Variants in SLCO3A1 observed in about 807,000 individuals in gnomAD.
SLCO3A1 encodes PGE1 transporter.
In SLCO3A1, 27 loss-of-function variants were observed where a neutral mutation model predicts 63.1. The ratio of observed to expected loss-of-function variants is 0.43; its 90% CI spans 0.32 to 0.59. The LOEUF (loss-of-function observed/expected upper bound fraction) is 0.59. SLCO3A1 is among the 20% of genes least tolerant of loss of function. The pLI is 0.09. For synonymous variants in SLCO3A1, 473 were observed against 409.9 expected (o/e 1.15, Z -1.86); for missense variants, 773 against 945.8 (o/e 0.82, Z 2.40).
chr15:92,128,761 A>G (rs1596126463), intron 7 of SLCO3A1, among the ~76,000 whole-genome samples: 1 of 152,224 alleles, frequency 6.6e-6, no homozygotes, highest in East Asian at 1.9e-4. Flanking sequence ...TGGTGGTTCA[A>G]GGTACTTGCA....
intron 2 of SLCO3A1, among the ~76,000 whole-genome samples, chr15:92,093,671 G>C (rs1338643921): frequency 2.6e-5 from 4 of 152,150 alleles, no homozygotes; most frequent in Admixed American, 2.0e-4. Flanking sequence ...ATTTTTACTG[G>C]TTGGTTCAAT....
At chr15:92,121,106 G>A (rs77902196) in intron 5 of SLCO3A1, among the ~76,000 whole-genome samples, 2,531 of 152,280 alleles carry the variant, frequency 0.017, 63 homozygotes, top group African/African-American at 0.058. Context: ...CCCAAGGTCA[G>A]GCATGGCTTT....
Position 92,164,528 on chromosome 15 carries a change from G to A in SLCO3A1, c.*1393G>A, listed in dbSNP as rs916787650. 2 of 985,444 alleles carry A rather than the reference G, an allele frequency of 2.0e-6. No homozygotes were observed. Among genetic ancestry groups the A allele is most frequent in the African/African-American group, 3.5e-5 (2 of 57,364 alleles). 61.0% of individuals were successfully genotyped at this position (985,444 alleles called of 1,614,324 possible). A position where few individuals can be genotyped will look rare whatever the true frequency, so the allele number is the denominator to read the frequency against. On this transcript the variant is annotated 3_prime_UTR_variant, in exon 10 of 10. Transcript: ENST00000318445. The stretch of plus-strand genomic sequence containing the variant: ...GCCTGTGGAGGAGACACTCTTAGAT[G>A]TGGGTTTGTGTGTATGGGTGCAACA...
At chr15:91,943,317 G>A (rs535664531) in intron 2 of SLCO3A1, among the ~76,000 whole-genome samples, 1 of 152,198 alleles carries the variant, frequency 6.6e-6, no homozygotes, top group Non-Finnish European at 1.5e-5. Context: ...GTTACCTCCT[G>A]GAAGTGGAAC....
Position 92,120,647 on chromosome 15 carries a change from C to T in SLCO3A1, c.1174+18C>T. On this transcript the variant is annotated intron_variant, in intron 5 of 9. Transcript: ENST00000318445. ...GCTGCTTGGTGAGTGTGTCCTCAGG[C>T]CTCCTGAGAGGGTCGGGGGAGGGTG... The T allele has an allele frequency of 6.2e-7, 1 of 1,609,716 alleles. No individual in the cohort carries two copies. The highest frequency in any genetic ancestry group is 8.5e-7 in the Non-Finnish European group (1 of 1,176,808).
chr15:91,899,786 C>T (rs895859084), intron 1 of SLCO3A1, among the ~76,000 whole-genome samples: 1 of 152,184 alleles, frequency 6.6e-6, no homozygotes, highest in African/African-American at 2.4e-5. Context: ...CTCCATCTTC[C>T]AGACAACCTA....
rs543196721 is a variant in SLCO3A1 at position 91,999,731 on chromosome 15, C to T, written c.646+83273C>T. Among the ~76,000 whole-genome samples the T allele has an allele frequency of 2.0e-5, 3 of 152,270 alleles. No homozygotes were observed. In the South Asian group the frequency reaches 6.2e-4, roughly 32 times the overall value. On this transcript the variant is annotated intron_variant, in intron 2 of 9. Coordinates refer to ENST00000318445, the MANE Select transcript of SLCO3A1 (RefSeq NM_013272.4). ...TGCTTGAGCCCAGAGTTGAAGGCTGCAGTGAGCTATGATTACTCCACTGCA... is the reference window on the plus strand; with the variant it reads ...TGCTTGAGCCCAGAGTTGAAGGCTGTAGTGAGCTATGATTACTCCACTGCA...
At chr15:92,001,735 A>T (rs1416931300) in intron 2 of SLCO3A1, among the ~76,000 whole-genome samples, 2 of 152,026 alleles carry the variant, frequency 1.3e-5, no homozygotes, top group Admixed American at 6.6e-5. Context: ...CTCTATCCCA[A>T]CCAACCAGCT....
chr15:91,884,989 C>G (rs1897688366), intron 1 of SLCO3A1, among the ~76,000 whole-genome samples: 1 of 152,032 alleles, frequency 6.6e-6, no homozygotes, highest in Admixed American at 6.6e-5. Flanking sequence ...GGGTCTGATT[C>G]CCTTCCTCAG....
chr15:92,105,111 C>T (rs974344726), intron 4 of SLCO3A1, among the ~76,000 whole-genome samples: 2 of 151,962 alleles, frequency 1.3e-5, no homozygotes, highest in African/African-American at 2.4e-5. Flanking sequence ...TGCTAAAATA[C>T]AAAAATTAGC....
At chr15:91,895,974 AG>A (rs1567175219) in intron 1 of SLCO3A1, among the ~76,000 whole-genome samples, 1 of 152,212 alleles carries the variant, frequency 6.6e-6, no homozygotes, top group African/African-American at 2.4e-5. Context: ...CTTGTTTTCC[AG>A]TAGGAAGCTA....
chr15:92,166,196 G>A (rs111923726), downstream of SLCO3A1, among the ~76,000 whole-genome samples: 11 of 152,284 alleles, frequency 7.2e-5, 1 homozygote, highest in African/African-American at 2.2e-4. Context: ...CTGGCTCTGA[G>A]GCACCCTGGG....
chr15:91,967,783 G>A lies in SLCO3A1; in HGVS notation c.646+51325G>A, dbSNP rs529427812. On this transcript the variant is annotated intron_variant, in intron 2 of 9. Coordinates refer to ENST00000318445, the MANE Select transcript of SLCO3A1 (RefSeq NM_013272.4). This position sits in a 1 kb window ranked among gnomAD's most constrained non-coding sequence, Gnocchi z 4.4. ...AAACAGCCTACTTTTGGGGAACCAC[G>A]AGGACGTAGTGGCAGGACTAAAGGT... 1.2e-3 allele frequency among the ~76,000 whole-genome samples: 186 copies of A among 152,222 alleles called. No homozygotes were observed. Among genetic ancestry groups the A allele is most frequent in the Non-Finnish European group, 2.3e-3 (155 of 68,006 alleles).
intron 7 of SLCO3A1, among the ~76,000 whole-genome samples, chr15:92,143,459 A>AATATATATAATATATATATAATATATATG (rs2048174520): frequency 2.3e-4 from 1 of 4,396 alleles, no homozygotes; most frequent in Non-Finnish European, 3.7e-4. Context: ...TAATATATAT[A>AATATATATAATATATATATAATATATATG]ATATATATAA....
At chr15:92,105,804 A>C (rs1316627166) in intron 4 of SLCO3A1, among the ~76,000 whole-genome samples, 2 of 152,178 alleles carry the variant, frequency 1.3e-5, no homozygotes, top group Non-Finnish European at 2.9e-5. Context: ...GGAATGCGGC[A>C]CTCAGCCGGG....
intron 3 of SLCO3A1, among the ~76,000 whole-genome samples, chr15:92,102,345 C>T (rs766174835): frequency 8.5e-5 from 13 of 152,086 alleles, no homozygotes; most frequent in Non-Finnish European, 1.8e-4. Flanking sequence ...TAAAAAGATC[C>T]CTATTTTGAG....
Position 91,942,575 on chromosome 15 carries a change from ATGTTTGTTTGTT to A in SLCO3A1, c.646+26131_646+26142del, listed in dbSNP as rs111293532. On this transcript the variant is annotated intron_variant, in intron 2 of 9. Transcript: ENST00000318445. The surrounding 1 kb of genome is among the most constrained non-coding windows in gnomAD (Gnocchi z 4.1). ...TGCAACAGAACTCTGCTGGAAATGT[ATGTTTGTTTGTT>A]TGTTTGTTTGTTTCGAGACCGAGTC... Among the ~76,000 whole-genome samples, 101 of 151,814 alleles carry A rather than the reference ATGTTTGTTTGTT, an allele frequency of 6.7e-4. No individual in the cohort carries two copies. Among genetic ancestry groups the A allele is most frequent in the African/African-American group, 2.4e-3 (100 of 41,378 alleles).
chr15:92,146,385 C>T (rs182475649), intron 7 of SLCO3A1, among the ~76,000 whole-genome samples: 89 of 152,328 alleles, frequency 5.8e-4, no homozygotes, highest in African/African-American at 2.0e-3. Context: ...CTGCTCCCCA[C>T]GAGCTGCTCC....
At chr15:91,983,295 G>T (rs75057101) in intron 2 of SLCO3A1, among the ~76,000 whole-genome samples, 5,240 of 152,218 alleles carry the variant, frequency 0.034, 319 homozygotes, top group African/African-American at 0.12. Context: ...AGAAGGCTTG[G>T]TGCATTTCTT....
Sources: allele counts gnomAD v4.1 joint callset (sites outside exome capture counted in the v4.1 genomes callset), GRCh38; gene constraint gnomAD v4.1.1; non-coding constraint Gnocchi (gnomAD v3.1); transcripts MANE v1.5; gene names NCBI Gene and HGNC (gene_info 2026-07-23, HGNC 2026-07-21).